The following PPP2R2B variants were observed in gnomAD, a reference collection of about 807,000 sequenced individuals.
PPP2R2B encodes the protein serine/threonine-protein phosphatase 2A 55 kDa regulatory subunit B beta isoform.
PPP2R2B carries 5 observed loss-of-function variants against 46.0 expected under a neutral mutation model. The ratio of observed to expected loss-of-function variants is 0.11; its 90% CI spans 0.06 to 0.23. The LOEUF (loss-of-function observed/expected upper bound fraction) is 0.23, where lower values mean the gene tolerates loss of function less well. Ranked by LOEUF, PPP2R2B falls within the 10% of genes least tolerant of loss-of-function variation. The pLI is 1.00. For synonymous variants in PPP2R2B, 215 were observed against 206.7 expected (o/e 1.04, Z -0.34); for missense variants, 367 against 575.0 (o/e 0.64, Z 3.70).
upstream of PPP2R2B, among the ~76,000 whole-genome samples, chr5:146,882,171 G>T (rs1405982312): frequency 1.3e-5 from 2 of 151,910 alleles, no homozygotes; most frequent in African/African-American, 4.8e-5. Context: ...CAGCTACTCG[G>T]GAGGCTGAGG....
At chr5:146,870,844 G>A (rs942822231) in intron 2 of PPP2R2B, among the ~76,000 whole-genome samples, 1 of 152,124 alleles carries the variant, frequency 6.6e-6, no homozygotes, top group Non-Finnish European at 1.5e-5. Flanking sequence ...CTAAAGCACA[G>A]AAGTGAAAGT....
At chr5:146,845,452 A>G (rs533777051) in intron 2 of PPP2R2B, among the ~76,000 whole-genome samples, 8 of 149,882 alleles carry the variant, frequency 5.3e-5, no homozygotes, top group Non-Finnish European at 1.2e-4. Flanking sequence ...ACGGGGTTTC[A>G]CCGTGTTAGC....
intron 2 of PPP2R2B, among the ~76,000 whole-genome samples, chr5:146,730,098 G>A (rs573504944): frequency 2.0e-5 from 3 of 152,212 alleles, no homozygotes; most frequent in Admixed American, 2.0e-4. Flanking sequence ...CAGGGGCAGA[G>A]CTGCCTAAGA....
chr5:146,607,337 C>G (rs1406776371), intron 7 of PPP2R2B: 1 of 152,036 alleles, frequency 6.6e-6, no homozygotes, highest in Non-Finnish European at 1.5e-5. Flanking sequence ...GACATAGTCT[C>G]CAGACACAGA....
rs560354070 is a variant in PPP2R2B at position 146,907,765 on chromosome 5, T to G, written c.79+147900A>C. Reference sequence around the variant, plus strand: ...TACTGCTTTGAAATCCTACACTACTTTACTGTTTAGCAATTGTGAGTTATT... The same window carrying G: ...TACTGCTTTGAAATCCTACACTACTGTACTGTTTAGCAATTGTGAGTTATT... On this transcript the variant is annotated intron_variant, in intron 1 of 8. Transcript: ENST00000336640. Among the ~76,000 whole-genome samples the G allele has an allele frequency of 2.0e-5, 3 of 152,346 alleles. No homozygotes were observed. In the East Asian group the frequency reaches 5.8e-4, roughly 29 times the overall value.
chr5:147,001,743 A>G (rs2151869525), intron 1 of PPP2R2B, among the ~76,000 whole-genome samples: 1 of 152,250 alleles, frequency 6.6e-6, no homozygotes, highest in East Asian at 1.9e-4. Context: ...AATAACAGGC[A>G]CTTGTTGGCC....
upstream of PPP2R2B, chr5:146,878,903 A>T: frequency 8.7e-7 from 1 of 1,151,328 alleles, no homozygotes; most frequent in Non-Finnish European, 1.1e-6. This position sits in a 1 kb window ranked among gnomAD's most constrained non-coding sequence, Gnocchi z 4.5. Flanking sequence ...GCAGCCGCGA[A>T]TCGGCACCTG....
At chr5:146,768,888 CT>C (rs35054666) in intron 2 of PPP2R2B, among the ~76,000 whole-genome samples, 90 of 145,202 alleles carry the variant, frequency 6.2e-4, no homozygotes, top group Admixed American at 8.9e-4. Context: ...TTTGTTGTTA[CT>C]TTTTTTTTTT....
chr5:147,062,982 G>A (rs1489936490), intron 2 of PPP2R2B, among the ~76,000 whole-genome samples: 4 of 95,290 alleles, frequency 4.2e-5, no homozygotes, highest in Admixed American at 1.1e-4. Context: ...GAGGGAGGGA[G>A]GGAGGGAGGG....
intron 2 of PPP2R2B, among the ~76,000 whole-genome samples, chr5:146,763,313 C>T (rs1443522083): frequency 6.6e-6 from 1 of 152,092 alleles, no homozygotes; most frequent in Non-Finnish European, 1.5e-5. Flanking sequence ...AGCTTCCTAG[C>T]GTATAGGATA....
chr5:146,991,653 A>G (rs1462608758), intron 1 of PPP2R2B, among the ~76,000 whole-genome samples: 1 of 151,882 alleles, frequency 6.6e-6, no homozygotes, highest in Non-Finnish European at 1.5e-5. Context: ...CAATTATTAT[A>G]CCATATACAC....
At chr5:146,907,931 C>G (rs1483470085) in intron 1 of PPP2R2B, among the ~76,000 whole-genome samples, 1 of 152,068 alleles carries the variant, frequency 6.6e-6, no homozygotes, top group African/African-American at 2.4e-5. Flanking sequence ...ATTGAATTCC[C>G]TAGAAGGAAA....
chr5:146,627,559 G>T (rs762685247), intron 7 of PPP2R2B, among the ~76,000 whole-genome samples: 14 of 152,292 alleles, frequency 9.2e-5, no homozygotes, highest in Non-Finnish European at 1.8e-4. Flanking sequence ...GTATAAAATG[G>T]ACTCTTGTGA....
intron 2 of PPP2R2B, among the ~76,000 whole-genome samples, chr5:146,772,909 G>A (rs1013783143): frequency 6.6e-6 from 1 of 152,164 alleles, no homozygotes; most frequent in Non-Finnish European, 1.5e-5. Context: ...TAAGGGTTTT[G>A]ATTGTCTAGC....
At chr5:146,746,933 T>A (rs987371142) in intron 2 of PPP2R2B, among the ~76,000 whole-genome samples, 1 of 152,154 alleles carries the variant, frequency 6.6e-6, no homozygotes, top group African/African-American at 2.4e-5. Flanking sequence ...AGTCCGAATT[T>A]TCATTCGGGT....
chr5:146,618,929 C>G (rs918762074), intron 7 of PPP2R2B, among the ~76,000 whole-genome samples: 1 of 152,190 alleles, frequency 6.6e-6, no homozygotes, highest in South Asian at 2.1e-4. Flanking sequence ...CTTCCCAAAG[C>G]AATGCCACTT....
chr5:147,080,993 T>G, intron 2 of PPP2R2B: 3 of 1,440,210 alleles, frequency 2.1e-6, no homozygotes, highest in Non-Finnish European at 2.8e-6. Context: ...AGATGAAAGT[T>G]TTTAATTTTG....
chr5:146,784,236 GAAACA>G (rs1442299347), intron 2 of PPP2R2B, among the ~76,000 whole-genome samples: 1 of 152,014 alleles, frequency 6.6e-6, no homozygotes, highest in African/African-American at 2.4e-5. Context: ...AACAGCTATA[GAAACA>G]AAACAAAACA....
At chr5:146,852,742 G>A (rs1433262978) in intron 2 of PPP2R2B, among the ~76,000 whole-genome samples, 3 of 152,142 alleles carry the variant, frequency 2.0e-5, no homozygotes, top group East Asian at 3.9e-4. Flanking sequence ...TAGTATAGAC[G>A]GTCCTAAGTT....
Sources: gnomAD v4.1 joint callset for allele counts (sites outside exome capture counted in the v4.1 genomes callset) on GRCh38, gnomAD v4.1.1 for gene constraint, Gnocchi (gnomAD v3.1) non-coding constraint, MANE v1.5 for transcripts, NCBI Gene and HGNC (gene_info 2026-07-23, HGNC 2026-07-21) for gene names.